COL4A2: variants seen among roughly 807,000 people sequenced by gnomAD.
The protein encoded by COL4A2 is collagen alpha-2(IV) chain.
Under a neutral mutation model 200.2 loss-of-function variants are expected in COL4A2, and 99 were observed. The ratio of observed to expected loss-of-function variants is 0.49; its 90% confidence interval spans 0.42 to 0.58. The LOEUF (loss-of-function observed/expected upper bound fraction) is 0.58, where lower values mean the gene tolerates loss of function less well. Among genes scored for constraint, COL4A2 ranks in the 20% least tolerant of loss-of-function variants. The pLI is 0.00. For synonymous variants in COL4A2, 897 were observed against 900.6 expected, an observed-to-expected ratio of 1.00 and a Z score of 0.07; for missense variants, 1,950 against 2,314.1, an observed-to-expected ratio of 0.84 and a Z score of 3.23.
chr13:110,313,484 C>A (rs1885045424), intron 3 of COL4A2, among the ~76,000 whole-genome samples: 1 of 151,970 alleles, frequency 6.6e-6, no homozygotes, highest in Admixed American at 6.6e-5. Context: ...CCGCGTCCAC[C>A]CGGCAGGCTC....
At chr13:110,450,501 G>A (rs1421407899) in intron 20 of COL4A2, 47 bp downstream of exon 20, 5 of 1,602,492 alleles carry the variant, frequency 3.1e-6, no homozygotes, top group Non-Finnish European at 4.3e-6. Context: ...ATGTTCAGAT[G>A]AAGCCCGGTC....
intron 18 of COL4A2, among the ~76,000 whole-genome samples, chr13:110,447,246 A>C (rs529120862): frequency 6.6e-6 from 1 of 152,256 alleles, no homozygotes; most frequent in Admixed American, 6.5e-5. Flanking sequence ...TTTTTTCTCC[A>C]AATGCACCAA....
intron 3 of COL4A2, among the ~76,000 whole-genome samples, chr13:110,324,095 A>C (rs754041756): frequency 6.6e-5 from 10 of 151,252 alleles, no homozygotes; most frequent in Non-Finnish European, 3.0e-5. Flanking sequence ...AACTATTTCA[A>C]TTTAATAGCA....
intron 4 of COL4A2, among the ~76,000 whole-genome samples, chr13:110,390,764 C>T (rs1487037205): frequency 6.2e-5 from 3 of 48,408 alleles, no homozygotes; most frequent in Non-Finnish European, 1.1e-4. Context: ...GCCTGAGAAG[C>T]GACAGGGCAG....
chr13:110,460,494 C>A (rs1881983770), intron 22 of COL4A2, among the ~76,000 whole-genome samples: 1 of 152,142 alleles, frequency 6.6e-6, no homozygotes, highest in Non-Finnish European at 1.5e-5. Flanking sequence ...TAGTAGGATC[C>A]TCAGTTGTTT....
intron 3 of COL4A2, among the ~76,000 whole-genome samples, chr13:110,329,715 C>T (rs1370534074): frequency 6.6e-6 from 1 of 152,012 alleles, no homozygotes; most frequent in Non-Finnish European, 1.5e-5. Context: ...TTGTCCCAAG[C>T]GAATTATTCC....
At chr13:110,474,748 GCA>G (rs201673818) in intron 29 of COL4A2, among the ~76,000 whole-genome samples, 2,712 of 95,716 alleles carry the variant, frequency 0.028, 560 homozygotes, top group African/African-American at 0.1. Context: ...CACGTGCCGT[GCA>G]CACTCACACA....
chr13:110,392,304 T>G (rs373452040), intron 4 of COL4A2, among the ~76,000 whole-genome samples: 2 of 152,282 alleles, frequency 1.3e-5, no homozygotes, highest in African/African-American at 4.8e-5. Flanking sequence ...GCAATTTAAG[T>G]AAACTCAAAG....
intron 4 of COL4A2, among the ~76,000 whole-genome samples, chr13:110,415,691 C>T (rs1487138712): frequency 1.3e-5 from 2 of 152,226 alleles, no homozygotes; most frequent in Non-Finnish European, 2.9e-5. Context: ...TTGGTCCTGT[C>T]CCTGGGCTGT....
chr13:110,457,552 T>A, intron 21 of COL4A2, 117 bp downstream of exon 21: 1 of 726,384 alleles, frequency 1.4e-6, no homozygotes, highest in Non-Finnish European at 2.5e-6. Context: ...TGAGCCTGCA[T>A]GTCTCTCCCA....
At chr13:110,449,105 AG>A (rs1881437329) in intron 18 of COL4A2, among the ~76,000 whole-genome samples, 1 of 152,244 alleles carries the variant, frequency 6.6e-6, no homozygotes, top group Non-Finnish European at 1.5e-5. Context: ...GCAGAGTGAA[AG>A]CTTTCCTAGA....
intron 19 of COL4A2, 123 bp downstream of exon 19, chr13:110,449,912 G>A: frequency 8.9e-7 from 1 of 1,117,376 alleles, no homozygotes; most frequent in South Asian, 1.4e-5. Context: ...CCACTGACTA[G>A]TCTTAGCAGC....
rs182167312 is a variant in COL4A2, at chr13:110,349,613, T to C, written c.100-7859T>C. ...CATTTGATCCTGATAGGAGCCTGGTTCAAGAAACTAGAACCTGGTTTTCCT... is the reference window on the plus strand; with the variant it reads ...CATTTGATCCTGATAGGAGCCTGGTCCAAGAAACTAGAACCTGGTTTTCCT... On this transcript the variant is annotated intron_variant, in intron 3 of 47. Transcript: ENST00000360467. Among the ~76,000 whole-genome samples the C allele has an allele frequency of 2.6e-4, 39 of 152,366 alleles. No individual in the cohort carries two copies. The East Asian group carries it at 7.3e-3, about 29-fold the overall frequency.
intron 30 of COL4A2, among the ~76,000 whole-genome samples, chr13:110,478,881 A>G (rs1171301476): frequency 6.6e-6 from 1 of 152,268 alleles, no homozygotes; most frequent in African/African-American, 2.4e-5. Context: ...AGTTGTCTCC[A>G]TGGAAACTCT....
intron 21 of COL4A2, 108 bp from the exon 22 acceptor site, chr13:110,458,663 A>C: frequency 7.3e-7 from 1 of 1,367,172 alleles, no homozygotes; most frequent in Non-Finnish European, 1.0e-6. Context: ...GGCAGTGTCC[A>C]TAAAGCACCA....
chr13:110,440,071 C>T (rs1267842118), intron 16 of COL4A2, among the ~76,000 whole-genome samples: 1 of 152,200 alleles, frequency 6.6e-6, no homozygotes, highest in Admixed American at 6.5e-5. Context: ...GTGTCCGTCA[C>T]TCGACCCCAC....
chr13:110,421,101 G>A (rs1191118019), intron 4 of COL4A2, among the ~76,000 whole-genome samples: 1 of 152,224 alleles, frequency 6.6e-6, no homozygotes, highest in Non-Finnish European at 1.5e-5. Context: ...AGGTATTGGT[G>A]AGGATACAGA....
intron 29 of COL4A2, among the ~76,000 whole-genome samples, chr13:110,475,647 A>G (rs186492040): frequency 8.0e-4 from 122 of 152,358 alleles, no homozygotes; most frequent in African/African-American, 2.8e-3. Context: ...AAGCATCAAC[A>G]TTCCAAGTAA....
intron 4 of COL4A2, 98 bp from the exon 5 acceptor site, chr13:110,424,636 A>AAAAC (rs530384029): frequency 5.6e-4 from 426 of 764,150 alleles, no homozygotes; most frequent in African/African-American, 4.5e-3. Flanking sequence ...TAGCTCTTTA[A>AAAAC]AAACAAAAAA....
Sources: allele counts gnomAD v4.1 joint callset (sites outside exome capture counted in the v4.1 genomes callset), GRCh38; gene constraint gnomAD v4.1.1; transcripts MANE v1.5; gene names NCBI Gene and HGNC (gene_info 2026-07-23, HGNC 2026-07-21).